Variants in ALK observed in about 807,000 individuals in gnomAD.
ALK encodes ALK receptor tyrosine kinase.
In ALK, 74 loss-of-function variants were observed where a neutral mutation model predicts 163.1. The ratio of observed to expected loss-of-function variants is 0.45; its 90% CI spans 0.38 to 0.55. ALK has a LOEUF of 0.55. Among genes scored for constraint, ALK ranks in the 20% least tolerant of loss-of-function variants. The pLI, the probability that ALK is intolerant of heterozygous loss-of-function variation, is 0.00. For synonymous variants in ALK, 960 were observed against 843.2 expected (o/e 1.14, Z -2.40); for missense variants, 2,063 against 2,105.3 (o/e 0.98, Z 0.39).
chr2:29,606,432 C>G lies in ALK; in HGVS notation c.953-74316G>C, dbSNP rs557165684. Among the ~76,000 whole-genome samples, 14 of 152,292 alleles carry G rather than the reference C, an allele frequency of 9.2e-5. No homozygotes were observed. In the South Asian group the frequency reaches 2.9e-3, roughly 32 times the overall value. ...CCATTCTAGGTCTCAGACCTTTGTG[C>G]TAAATTGCAAAGAATTTAAGCGTAT... On this transcript the variant is annotated intron_variant, in intron 3 of 28. Transcript: ENST00000389048.
At chr2:29,706,935 T>C (rs1678926584) in intron 2 of ALK, among the ~76,000 whole-genome samples, 1 of 151,422 alleles carries the variant, frequency 6.6e-6, no homozygotes, top group Non-Finnish European at 1.5e-5. Context: ...ACTTCCAGTT[T>C]AATTCTCTGC....
intron 1 of ALK, among the ~76,000 whole-genome samples, chr2:29,808,509 T>C (rs1327216064): frequency 2.0e-5 from 3 of 152,132 alleles, no homozygotes; most frequent in Non-Finnish European, 4.4e-5. Flanking sequence ...CTTTGCCTCA[T>C]TTTTCTTCCA....
intron 1 of ALK, among the ~76,000 whole-genome samples, chr2:29,849,382 G>A (rs914996361): frequency 1.3e-5 from 2 of 152,166 alleles, no homozygotes; most frequent in African/African-American, 4.8e-5. Flanking sequence ...CTGTGCATGT[G>A]GTAAGAAGAG....
At chr2:29,423,917 C>T (rs13394569) in intron 4 of ALK, among the ~76,000 whole-genome samples, 3,971 of 152,280 alleles carry the variant, frequency 0.026, 160 homozygotes, top group African/African-American at 0.086. Flanking sequence ...CTAGCATTTT[C>T]TTTGACCAGC....
intron 1 of ALK, among the ~76,000 whole-genome samples, chr2:29,737,400 G>A (rs1438654604): frequency 1.3e-5 from 2 of 152,092 alleles, no homozygotes; most frequent in African/African-American, 4.8e-5. Context: ...GAAAACTGCA[G>A]TTGGTGCTGA....
intron 4 of ALK, among the ~76,000 whole-genome samples, chr2:29,492,540 T>C (rs925384584): frequency 6.6e-6 from 1 of 152,164 alleles, no homozygotes; most frequent in Non-Finnish European, 1.5e-5. Context: ...GTGCTGGATA[T>C]GTCCAGGGCC....
intron 4 of ALK, among the ~76,000 whole-genome samples, chr2:29,461,096 C>A (rs1482194555): frequency 6.6e-6 from 1 of 152,154 alleles, no homozygotes; most frequent in African/African-American, 2.4e-5. Context: ...TCAGCCAAAG[C>A]CTAACCAAGA....
intron 5 of ALK, among the ~76,000 whole-genome samples, chr2:29,360,402 C>G (rs1203415178): frequency 6.6e-6 from 1 of 152,196 alleles, no homozygotes; most frequent in Non-Finnish European, 1.5e-5. Flanking sequence ...TGTCCCTGGT[C>G]TAGCCTCTGT....
intron 1 of ALK, among the ~76,000 whole-genome samples, chr2:29,850,722 C>T (rs962192810): frequency 9.2e-5 from 14 of 152,168 alleles, no homozygotes; most frequent in African/African-American, 3.4e-4. Context: ...CTCAGCTGTG[C>T]CTCCCAGTGT....
intron 4 of ALK, among the ~76,000 whole-genome samples, chr2:29,467,676 C>T (rs1039415807): frequency 6.6e-6 from 1 of 152,156 alleles, no homozygotes; most frequent in Non-Finnish European, 1.5e-5. Context: ...TTCAGGGACC[C>T]TCAAGATTAA....
At chr2:29,891,460 T>C (rs576099694) in intron 1 of ALK, among the ~76,000 whole-genome samples, 2 of 152,298 alleles carry the variant, frequency 1.3e-5, no homozygotes, top group Admixed American at 1.3e-4. Flanking sequence ...TGCATTAGCA[T>C]GTTTCAGATC....
chr2:29,368,856 CA>C (rs748675350), intron 5 of ALK, among the ~76,000 whole-genome samples: 27 of 152,120 alleles, frequency 1.8e-4, no homozygotes, highest in Non-Finnish European at 3.5e-4. Context: ...AAAACCCTGG[CA>C]AAAGCCTAGT....
At chr2:29,545,853 T>C (rs903785846) in intron 3 of ALK, among the ~76,000 whole-genome samples, 1 of 152,186 alleles carries the variant, frequency 6.6e-6, no homozygotes. Context: ...GATAGTATTA[T>C]TAATCTTAAG....
At chr2:29,822,778 T>C (rs1572408031) in intron 1 of ALK, among the ~76,000 whole-genome samples, 1 of 152,238 alleles carries the variant, frequency 6.6e-6, no homozygotes, top group Non-Finnish European at 1.5e-5. Flanking sequence ...CCTTGCCCAT[T>C]AGCTGACTGT....
chr2:29,895,426 C>A (rs930195090), intron 1 of ALK, among the ~76,000 whole-genome samples: 1 of 152,164 alleles, frequency 6.6e-6, no homozygotes, highest in African/African-American at 2.4e-5. Flanking sequence ...AAGTTTAAGA[C>A]TGAAAGGCTT....
Position 29,771,134 on chromosome 2 carries a change from TAC to T in ALK, c.668-53439_668-53438del, listed in dbSNP as rs1217708697. 3.3e-5 allele frequency among the ~76,000 whole-genome samples: 5 copies of T among 151,022 alleles called. No individual in the cohort carries two copies. The East Asian group carries it at 7.8e-4, about 23-fold the overall frequency. ...ATACATGCACACATACATAGGCAAA[TAC>T]ACACACAGACATAGATGCATACATA... On this transcript the variant is annotated intron_variant, in intron 1 of 28. Transcript: ENST00000389048.
intron 1 of ALK, among the ~76,000 whole-genome samples, chr2:29,883,808 A>G (rs1666924476): frequency 6.6e-6 from 1 of 152,188 alleles, no homozygotes; most frequent in East Asian, 1.9e-4. Flanking sequence ...AATTTTTTGG[A>G]GATTTGTGAC....
rs1060500218 is a variant in ALK, at chr2:29,197,676, C to T, written c.3939G>A (p.Trp1313Ter). The T allele has an allele frequency of 1.2e-6, 2 of 1,613,620 alleles. No individual in the cohort carries two copies. The highest frequency in any genetic ancestry group is 1.7e-6 in the Non-Finnish European group (2 of 1,179,850). ...EGIFTSKTDT[W>*]SFGVLLWEIF... ...TTTCCCATAGCAGCACTCCAAAGGA[C>T]CTGGGCATGGGACAGAGGACATGGA... The change falls in exon 27 of 29, where the codon TGG becomes TGA. Residue 1313 changes from tryptophan (W) to a stop codon, truncating the protein, a stop_gained and splice_region_variant. Transcript: ENST00000389048. LOFTEE classifies it high-confidence loss of function.
chr2:29,536,000 T>C (rs979656732), intron 3 of ALK, among the ~76,000 whole-genome samples: 1 of 152,184 alleles, frequency 6.6e-6, no homozygotes, highest in South Asian at 2.1e-4. Context: ...TTTACACACA[T>C]ACATCCCTAG....
Sources: gnomAD v4.1 joint callset for allele counts (sites outside exome capture counted in the v4.1 genomes callset) on GRCh38, gnomAD v4.1.1 for gene constraint, MANE v1.5 for transcripts, NCBI Gene and HGNC (gene_info 2026-07-23, HGNC 2026-07-21) for gene names.